TNS2: variants seen among roughly 807,000 people sequenced by gnomAD.
TNS2 encodes tensin 2.
Under a neutral mutation model 155.7 loss-of-function variants are expected in TNS2, and 77 were observed. That is an observed-to-expected ratio of 0.49 (90% CI 0.41 to 0.60). TNS2 has a LOEUF of 0.60. Among genes scored for constraint, TNS2 ranks in the 20% least tolerant of loss-of-function variants. TNS2 has a pLI of 0.00. For synonymous variants in TNS2, 726 were observed against 763.9 expected (o/e 0.95, Z 0.82); for missense variants, 1,703 against 1,868.8 (o/e 0.91, Z 1.64).
chr12:53,061,623 G>A, intron 21 of TNS2, 154 bp downstream of exon 21: 2 of 1,327,078 alleles, frequency 1.5e-6, no homozygotes, highest in Non-Finnish European at 2.1e-6. Context: ...TCTGGGCTTT[G>A]GGCCAAGGCG....
In TNS2 at chr12:53,059,684, C is replaced by T. The variant is rs201533668; in HGVS notation, c.2043C>T (p.Asp681=). 6.9e-4 allele frequency: 1,106 copies of T among 1,613,228 alleles called. 21 individuals are homozygous for T. The South Asian group carries it at 9.8e-3, about 14-fold the overall frequency. ...PGYREVVILE[D]PGLPALYPCP... Reference sequence around the variant, plus strand: ...ACCGGGAGGTGGTCATCCTGGAGGACCCTGGGCTGCCTGCCCTATACCCAT... The same window carrying T: ...ACCGGGAGGTGGTCATCCTGGAGGATCCTGGGCTGCCTGCCCTATACCCAT... The change falls in exon 18 of 29, where the codon GAC becomes GAT. Residue 681 remains aspartate, a synonymous_variant. Coordinates refer to ENST00000314250, the MANE Select transcript of TNS2 (RefSeq NM_170754.4). The surrounding 1 kb of genome is among the most constrained non-coding windows in gnomAD (Gnocchi z 4.7).
At chr12:53,054,136 C>A in intron 6 of TNS2, 122 bp downstream of exon 6, 1 of 1,551,930 alleles carries the variant, frequency 6.4e-7, no homozygotes, top group South Asian at 1.1e-5. Context: ...AAGCGGTATT[C>A]TCCCTCCAGA....
Position 53,063,760 on chromosome 12 carries a change from G to T in TNS2, c.4108G>T (p.Ala1370Ser). 3 of 1,614,128 alleles carry T rather than the reference G, an allele frequency of 1.9e-6. No individual in the cohort carries two copies. Among genetic ancestry groups the T allele is most frequent in the Non-Finnish European group, 2.5e-6 (3 of 1,180,020 alleles). The change falls in exon 29 of 29, where the codon GCC becomes TCC. Residue 1370 changes from alanine to serine, a missense_variant. Physicochemically the swap from Ala to Ser is moderately conservative, Grantham distance 99. Coordinates refer to ENST00000314250, the MANE Select transcript of TNS2 (RefSeq NM_170754.4). This position sits in a 1 kb window ranked among gnomAD's most constrained non-coding sequence, Gnocchi z 5.6. ...TCCCCCTAGGATCTTTGGTTTCGTG[G>T]CCAAGAAGCCGGGAAGCCCCTGGGA... ...GTTSKIFGFV[A>S]KKPGSPWENV...
intron 8 of TNS2, 98 bp downstream of exon 8, chr12:53,055,334 T>G: frequency 7.2e-7 from 1 of 1,397,302 alleles, no homozygotes; most frequent in South Asian, 1.2e-5. Context: ...TGGCATCTAC[T>G]TCACTCTTAA....
Position 53,060,412 on chromosome 12 carries a change from G to A in TNS2, c.2625G>A (p.Leu875=), listed in dbSNP as rs973842183. The change falls in exon 19 of 29, where the codon CTG becomes CTA. Residue 875 remains leucine (L), a synonymous_variant. Coordinates refer to ENST00000314250, the MANE Select transcript of TNS2 (RefSeq NM_170754.4). This position sits in a 1 kb window ranked among gnomAD's most constrained non-coding sequence, Gnocchi z 6.1. ...SAGPLASAES[L]EPVSWREGPS... ...CTCTCCCCTTCACTGCAGAGTCGCT[G>A]GAGCCGGTGTCCTGGAGGGAGGGCC... 2.5e-6 allele frequency: 4 copies of A among 1,612,752 alleles called. No individual in the cohort carries two copies. Among genetic ancestry groups the A allele is most frequent in the Non-Finnish European group, 3.4e-6 (4 of 1,179,546 alleles).
chr12:53,049,885 T>G, upstream of TNS2: 1 of 493,624 alleles, frequency 2.0e-6, no homozygotes, highest in Non-Finnish European at 3.5e-6. Context: ...AACTCCAGAG[T>G]TGGGGGAGTA....
upstream of TNS2, among the ~76,000 whole-genome samples, chr12:53,049,555 C>G (rs1300983443): frequency 2.0e-5 from 3 of 152,142 alleles, no homozygotes; most frequent in East Asian, 1.9e-4. Flanking sequence ...GCATGCTTTC[C>G]TTTTCCTACT....
chr12:53,053,784 C>G lies in TNS2; in HGVS notation c.272C>G (p.Thr91Arg). The change falls in exon 5 of 29, where the codon ACG becomes AGG. Residue 91 changes from threonine to arginine, a missense_variant. Physicochemically the swap from Thr to Arg is moderately conservative, Grantham distance 71 (BLOSUM62 -1). Coordinates refer to ENST00000314250, the MANE Select transcript of TNS2 (RefSeq NM_170754.4). ...ALPPVELRRN[T>R]APVRRIEHLG... ...CCCATCTCCCTCTAGCGGCGAAACACGGCCCCAGTCAGGCGCATAGAGCAC... is the reference window on the plus strand; with the variant it reads ...CCCATCTCCCTCTAGCGGCGAAACAGGGCCCCAGTCAGGCGCATAGAGCAC... 6.2e-7 allele frequency: 1 copy of G among 1,611,160 alleles called. No homozygotes were observed. The highest frequency in any genetic ancestry group is 2.2e-5 in the East Asian group (1 of 44,876).
rs768004185 is a variant in TNS2 at position 53,060,929 on chromosome 12, C to T, written c.3023C>T (p.Thr1008Ile). Residue 1008 changes from threonine (T) to isoleucine (I), a missense_variant, in exon 20 of 29, where the codon ACA becomes ATA. Transcript: ENST00000314250. The surrounding 1 kb of genome is among the most constrained non-coding windows in gnomAD (Gnocchi z 6.1). ...AGTCCTCGGAGCCCTGTGCCCACCA[C>T]ACTTCCTGGCCTCCGCCACGCCCCC... ...GASPRSPVPTTLPGLRHAPWQ... is the reference protein window; with the variant it reads ...GASPRSPVPTILPGLRHAPWQ... 6.3e-7 allele frequency: 1 copy of T among 1,597,340 alleles called. No individual in the cohort carries two copies. Among genetic ancestry groups the T allele is most frequent in the Non-Finnish European group, 8.5e-7 (1 of 1,172,234 alleles).
At position 53,058,695 on chromosome 12, in the gene TNS2, C is replaced by G; in HGVS notation, c.1292-19C>G. 1.2e-6 allele frequency: 2 copies of G among 1,614,002 alleles called. No homozygotes were observed. The highest frequency in any genetic ancestry group is 1.7e-6 in the Non-Finnish European group (2 of 1,179,962). On this transcript the variant is annotated intron_variant, in intron 16 of 28. Transcript: ENST00000314250. ...GCCGCCTCTCCCCTGCTCCCCAATA[C>G]CCGAGTGGCCTTCCACAGGCAGCAC... is the stretch of plus-strand genomic sequence containing the variant.
At chr12:53,057,986 G>A in intron 13 of TNS2, 41 bp from the exon 14 acceptor site, 3 of 1,613,200 alleles carry the variant, frequency 1.9e-6, no homozygotes, top group African/African-American at 2.7e-5. Context: ...CTGCACGCAG[G>A]AGCTTCTGGT....
At position 53,055,635 on chromosome 12, in the gene TNS2, C is replaced by T; in HGVS notation, c.641C>T (p.Ala214Val). Residue 214 changes from alanine (A) to valine (V), a missense_variant, in exon 9 of 29, where the codon GCC (alanine) becomes GTC (valine). Transcript: ENST00000314250. ...PLDKLCSICK[A>V]METWLSADPQ... ...GACAAGCTGTGCTCCATCTGCAAAG[C>T]CATGGAGACATGGCTCAGTGCTGAC... is the stretch of plus-strand genomic sequence containing the variant. 1 of 1,614,150 alleles carries T rather than the reference C, an allele frequency of 6.2e-7. No individual in the cohort carries two copies. The highest frequency in any genetic ancestry group is 8.5e-7 in the Non-Finnish European group (1 of 1,180,022).
At chr12:53,052,109 C>T (rs950103777) in intron 2 of TNS2, 146 bp downstream of exon 2, 12 of 692,914 alleles carry the variant, frequency 1.7e-5, no homozygotes, top group Non-Finnish European at 2.4e-5. Context: ...GCTGCCTCCC[C>T]CTTCAGATGG....
At position 53,060,128 on chromosome 12, in the gene TNS2, C is replaced by T; in HGVS notation, c.2487C>T (p.Gly829=). Reference sequence around the variant, plus strand: ...CTGGTGCCCACTCCCCACGGGCTGGCTCCATTTCCCCGGGCAGCCCGCCCT... The same window carrying T: ...CTGGTGCCCACTCCCCACGGGCTGGTTCCATTTCCCCGGGCAGCCCGCCCT... The part of the protein sequence containing the change: ...PSPGAHSPRA[G]SISPGSPPYP... Residue 829 remains glycine (G), a synonymous_variant, in exon 18 of 29, where the codon GGC becomes GGT. Transcript: ENST00000314250. The surrounding 1 kb of genome is among the most constrained non-coding windows in gnomAD (Gnocchi z 6.1). 1 of 1,610,570 alleles carries T rather than the reference C, an allele frequency of 6.2e-7. No homozygotes were observed. Among genetic ancestry groups the T allele is most frequent in the Non-Finnish European group, 8.5e-7 (1 of 1,178,328 alleles).
At chr12:53,052,984 C>T in intron 3 of TNS2, 1 of 308,408 alleles carries the variant, frequency 3.2e-6, no homozygotes, top group Non-Finnish European at 6.3e-6. Context: ...TGAGACAGCC[C>T]TGTCTCTGAA....
chr12:53,060,101 C>A lies in TNS2; in HGVS notation c.2460C>A (p.Ser820Arg), dbSNP rs765695628. 6.2e-7 allele frequency: 1 copy of A among 1,610,946 alleles called. No individual in the cohort carries two copies. Among genetic ancestry groups the A allele is most frequent in the South Asian group, 1.1e-5 (1 of 90,860 alleles). The change falls in exon 18 of 29, where the codon AGC (serine) becomes AGA (arginine). Residue 820 changes from serine (S) to arginine (R), a missense_variant. Physicochemically the swap from Ser to Arg is moderately radical, Grantham distance 110 (BLOSUM62 -1). Coordinates refer to ENST00000314250, the MANE Select transcript of TNS2 (RefSeq NM_170754.4). The surrounding 1 kb of genome is among the most constrained non-coding windows in gnomAD (Gnocchi z 6.1). ...GSPGEGRGYPSPGAHSPRAGS... is the reference protein window; with the variant it reads ...GSPGEGRGYPRPGAHSPRAGS... ...CAGGAGAGGGCAGAGGGTATCCCAG[C>A]CCTGGTGCCCACTCCCCACGGGCTG... is the stretch of plus-strand genomic sequence containing the variant.
In TNS2 at chr12:53,061,089, C is replaced by T. The variant is rs1433877226; in HGVS notation, c.3183C>T (p.Ala1061=). ...SSPTPAFPLA[A]SYDTNGLSQP... The stretch of plus-strand genomic sequence containing the variant: ...CTACACCTGCTTTCCCCCTGGCTGC[C>T]TCCTATGACACCAATGGCCTTAGCC... The change falls in exon 20 of 29, where the codon GCC becomes GCT. Residue 1061 remains alanine, a synonymous_variant. Coordinates refer to ENST00000314250, the MANE Select transcript of TNS2 (RefSeq NM_170754.4). 6.2e-7 allele frequency: 1 copy of T among 1,611,684 alleles called. No homozygotes were observed. Among genetic ancestry groups the T allele is most frequent in the Admixed American group, 1.7e-5 (1 of 59,582 alleles).
At chr12:53,055,903 C>T (rs1944135834) in intron 10 of TNS2, 58 bp downstream of exon 10, 2 of 1,550,910 alleles carry the variant, frequency 1.3e-6, no homozygotes, top group African/African-American at 1.4e-5. Context: ...CCAGCTGGCC[C>T]CTTAGGAACC....
intron 7 of TNS2, 131 bp from the exon 8 acceptor site, chr12:53,055,055 G>T: frequency 9.7e-7 from 1 of 1,027,780 alleles, no homozygotes; most frequent in East Asian, 2.5e-5. Context: ...AAGTGCTGGG[G>T]TTATAGGCGT....
Sources: allele counts gnomAD v4.1 joint callset (sites outside exome capture counted in the v4.1 genomes callset), GRCh38; gene constraint gnomAD v4.1.1; non-coding constraint Gnocchi (gnomAD v3.1); transcripts MANE v1.5; gene names NCBI Gene and HGNC (gene_info 2026-07-23, HGNC 2026-07-21).